Variants in FAM161A observed in about 807,000 individuals in gnomAD.
The protein encoded by FAM161A is FAM161 centrosomal protein A.
A neutral mutation model predicts 70.9 loss-of-function variants in FAM161A; 57 were observed. The observed-to-expected ratio is 0.80, with a 90% CI of 0.65 to 1.00. The LOEUF is 1.00. Among genes scored for constraint, FAM161A ranks in the 50% least tolerant of loss-of-function variants. FAM161A has a pLI of 0.00. For missense variants in FAM161A, 880 were observed against 836.0 expected (o/e 1.05, Z -0.65); for synonymous variants, 299 against 295.7 (o/e 1.01, Z -0.12).
intron 2 of FAM161A, among the ~76,000 whole-genome samples, chr2:61,840,805 C>T (rs991859649): frequency 1.1e-4 from 16 of 152,102 alleles, no homozygotes; most frequent in Middle Eastern, 3.2e-3. Context: ...CTTGTGCCAC[C>T]ATGCTCAGCT....
At chr2:61,801,674 C>T in the FAM161A span, among the ~76,000 whole-genome samples, 1 of 151,418 alleles carries the variant, frequency 6.6e-6, no homozygotes, top group Admixed American at 6.6e-5. Context: ...GATTGTCCTG[C>T]CTTAGCCTCC....
In FAM161A at chr2:61,848,922, A is replaced by T. The variant is rs1444904489; in HGVS notation, c.183+4937T>A. Among the ~76,000 whole-genome samples, 2 of 1,908 alleles carry T rather than the reference A, an allele frequency of 1.0e-3. 1 individual carries two copies. The highest frequency in any genetic ancestry group is 1.5e-3 in the Non-Finnish European group (2 of 1,372). 1.3% of individuals were successfully genotyped at this position (1,908 alleles called of 152,430 possible). A position where few individuals can be genotyped will look rare whatever the true frequency, so the allele number is the denominator to read the frequency against. On this transcript the variant is annotated intron_variant, in intron 1 of 6. Transcript: ENST00000404929. ...TATATATATATTTATATATTTATAT[A>T]TATTTATATATATATATTTATATAT... is the stretch of plus-strand genomic sequence containing the variant.
At chr2:61,816,690 C>T in the FAM161A span, among the ~76,000 whole-genome samples, 4 of 152,082 alleles carry the variant, frequency 2.6e-5, no homozygotes, top group East Asian at 3.9e-4. Context: ...AGGCTGGTCT[C>T]GAACTCCTGG....
At chr2:61,804,768 G>GAGAAGGAAAGAAAGAA in the FAM161A span, among the ~76,000 whole-genome samples, 1 of 118,952 alleles carries the variant, frequency 8.4e-6, no homozygotes, top group Non-Finnish European at 1.7e-5. Flanking sequence ...GAAAAAGAAA[G>GAGAAGGAAAGAAAGAA]AGAAAGAAAG....
downstream of FAM161A, chr2:61,820,629 T>C (rs957330182): frequency 1.8e-5 from 11 of 597,156 alleles, no homozygotes; most frequent in Admixed American, 4.7e-5. Context: ...TTTTGTATTA[T>C]TCTTTTTGTA....
the FAM161A span, among the ~76,000 whole-genome samples, chr2:61,810,546 C>T: frequency 6.8e-6 from 1 of 146,580 alleles, no homozygotes; most frequent in Non-Finnish European, 1.5e-5. Flanking sequence ...GCAACCTCTG[C>T]CTTCTGGGTT....
chr2:61,835,769 A>G (rs542570170), intron 5 of FAM161A: 4 of 473,734 alleles, frequency 8.4e-6, no homozygotes, highest in Admixed American at 3.7e-5. Context: ...GGCTCAAGCA[A>G]TCTGCCCACC....
At chr2:61,826,919 C>A (rs570907226) in intron 6 of FAM161A, among the ~76,000 whole-genome samples, 185 bp downstream of exon 6, 22 of 152,198 alleles carry the variant, frequency 1.4e-4, no homozygotes, top group Admixed American at 3.9e-4. Context: ...TTCATGTGAA[C>A]GTTAATGTGT....
the FAM161A span, among the ~76,000 whole-genome samples, chr2:61,815,654 G>A: frequency 2.8e-5 from 4 of 142,530 alleles, no homozygotes; most frequent in Admixed American, 7.5e-5. Flanking sequence ...AGGTTAAAGC[G>A]ATTCTCCTGC....
At chr2:61,812,056 A>T in the FAM161A span, among the ~76,000 whole-genome samples, 1 of 152,092 alleles carries the variant, frequency 6.6e-6, no homozygotes, top group Non-Finnish European at 1.5e-5. Flanking sequence ...TCCCCCAGTC[A>T]TCCACAGAAT....
intron 1 of FAM161A, among the ~76,000 whole-genome samples, chr2:61,844,099 G>A (rs1673119158): frequency 6.6e-6 from 1 of 151,868 alleles, no homozygotes; most frequent in Admixed American, 6.6e-5. Context: ...GCTGAGATCA[G>A]GCCACTGCAC....
At chr2:61,845,687 G>A (rs898526119) in intron 1 of FAM161A, among the ~76,000 whole-genome samples, 11 of 151,928 alleles carry the variant, frequency 7.2e-5, no homozygotes, top group Non-Finnish European at 1.5e-5. Context: ...TTAGCTGGAT[G>A]TGGTGGCTGA....
In FAM161A at chr2:61,839,765, T is replaced by G. The variant is rs774072891; in HGVS notation, c.1239A>C (p.Glu413Asp). Reference protein sequence around the residue: ...ACGCRNPRCPEQAVKLKCKHK... With the variant: ...ACGCRNPRCPDQAVKLKCKHK... Reference sequence around the variant, plus strand: ...GTTTACACTTCAACTTTACAGCCTGTTCAGGACACCTGGGGTTCCTGCATC... The same window carrying G: ...GTTTACACTTCAACTTTACAGCCTGGTCAGGACACCTGGGGTTCCTGCATC... The change falls in exon 3 of 7, where the codon GAA (glutamate) becomes GAC (aspartate). Residue 413 changes from glutamate (E) to aspartate (D), a missense_variant. By Grantham distance (45) the Glu-to-Asp change is conservative. Transcript: ENST00000404929. 1 of 1,614,166 alleles carries G rather than the reference T, an allele frequency of 6.2e-7. No individual in the cohort carries two copies. The highest frequency in any genetic ancestry group is 8.5e-7 in the Non-Finnish European group (1 of 1,180,034).
Position 61,840,496 on chromosome 2 carries a change from AC to A in FAM161A, c.507del (p.Leu169PhefsTer13). The A allele has an allele frequency of 6.2e-7, 1 of 1,613,992 alleles. No individual in the cohort carries two copies. On this transcript the variant is annotated frameshift_variant, in exon 3 of 7. Coordinates refer to ENST00000404929, the MANE Select transcript of FAM161A (RefSeq NM_001201543.2). LOFTEE classifies it high-confidence loss of function. ...SEPDLGQSSSLYVSSSEEELP... is the reference protein window; with the variant it reads ...SEPDLGQSSSXYVSSSEEELP... Reference sequence around the variant, plus strand: ...AACTCCTCTTCAGAGGAGGACACATACAAGGAGGAAGACTGGCCTAAATCAG... The same window carrying A: ...AACTCCTCTTCAGAGGAGGACACATAAAGGAGGAAGACTGGCCTAAATCAG...
chr2:61,838,883 TATTTATTTA>T (rs199560617), intron 3 of FAM161A, among the ~76,000 whole-genome samples, 178 bp from the exon 4 acceptor site: 12 of 144,772 alleles, frequency 8.3e-5, no homozygotes, highest in East Asian at 1.9e-4. Flanking sequence ...TTTATTTATT[TATTTATTTA>T]TTTTTTTTGA....
Position 61,825,512 on chromosome 2 carries a change from CA to C in FAM161A, c.*942del. On this transcript the variant is annotated 3_prime_UTR_variant, in exon 7 of 7. Transcript: ENST00000404929. ...GTATAAAAACTTTCCTAATAATTTA[CA>C]AATCAAAAATAATTTGGACTAGAAC... The C allele has an allele frequency of 2.3e-6, 1 of 440,462 alleles. No individual in the cohort carries two copies. The highest frequency in any genetic ancestry group is 1.7e-5 in the South Asian group (1 of 60,546). The allele number at this position is 440,462 out of a possible 1,614,324, so 27.3% of individuals were successfully genotyped here. A position where few individuals can be genotyped will look rare whatever the true frequency, so the allele number is the denominator to read the frequency against.
chr2:61,840,708 T>G, intron 2 of FAM161A, 127 bp from the exon 3 acceptor site: 1 of 717,788 alleles, frequency 1.4e-6, no homozygotes, highest in South Asian at 1.8e-5. Context: ...TGGAGTGCAG[T>G]GGTGTGATAT....
downstream of FAM161A, among the ~76,000 whole-genome samples, chr2:61,822,322 A>G (rs1323967914): frequency 1.3e-5 from 2 of 152,094 alleles, no homozygotes; most frequent in African/African-American, 4.8e-5. Flanking sequence ...TAACTTTTCT[A>G]ACAATACAGG....
chr2:61,813,929 C>G, the FAM161A span, among the ~76,000 whole-genome samples: 2 of 152,088 alleles, frequency 1.3e-5, no homozygotes, highest in African/African-American at 2.4e-5. Context: ...TTCAGGGATA[C>G]AACATCACAA....
Sources: gnomAD v4.1 joint callset for allele counts (sites outside exome capture counted in the v4.1 genomes callset) on GRCh38, gnomAD v4.1.1 for gene constraint, MANE v1.5 for transcripts, NCBI Gene and HGNC (gene_info 2026-07-23, HGNC 2026-07-21) for gene names.